Variants in SNX6 observed in about 807,000 individuals in gnomAD.
SNX6 encodes the protein sorting nexin 6.
Under a neutral mutation model 63.0 loss-of-function variants are expected in SNX6, and 34 were observed. That is an observed-to-expected ratio of 0.54 (90% CI 0.41 to 0.72). SNX6 has a LOEUF of 0.72. SNX6 is among the 30% of genes least tolerant of loss of function. SNX6 has a pLI of 0.00. For synonymous variants in SNX6, 170 were observed against 164.2 expected (o/e 1.04, Z -0.27); for missense variants, 398 against 471.4 (o/e 0.84, Z 1.44).
At chr14:34,593,536 C>A (rs1320614356) in intron 7 of SNX6, among the ~76,000 whole-genome samples, 3 of 148,882 alleles carry the variant, frequency 2.0e-5, no homozygotes, top group Non-Finnish European at 1.5e-5. Flanking sequence ...ATAGCTGGGA[C>A]TACAGGTGCA....
intron 13 of SNX6, among the ~76,000 whole-genome samples, chr14:34,563,741 T>TTC (rs1173983700): frequency 3.3e-5 from 5 of 152,112 alleles, no homozygotes; most frequent in Non-Finnish European, 7.4e-5. Context: ...TAAATTTTTT[T>TTC]TCTTTTTTTT....
intron 6 of SNX6, among the ~76,000 whole-genome samples, chr14:34,599,493 G>C (rs1332773025): frequency 6.6e-6 from 1 of 151,828 alleles, no homozygotes; most frequent in Non-Finnish European, 1.5e-5. Flanking sequence ...TATAATCCCA[G>C]CTACTAGGGA....
chr14:34,587,633 CAA>C (rs1160863550), intron 8 of SNX6, among the ~76,000 whole-genome samples: 1 of 139,444 alleles, frequency 7.2e-6, no homozygotes, highest in Admixed American at 7.3e-5. Flanking sequence ...AACAAACAAA[CAA>C]AATTTATTTA....
intron 2 of SNX6, among the ~76,000 whole-genome samples, chr14:34,621,983 A>T (rs1883638777): frequency 1.1e-5 from 1 of 89,806 alleles, no homozygotes. Context: ...TTTGAGATGG[A>T]GTTTCACTCT....
At chr14:34,592,996 A>G in intron 8 of SNX6, 49 bp downstream of exon 8, 2 of 1,254,682 alleles carry the variant, frequency 1.6e-6, no homozygotes, top group Middle Eastern at 4.0e-4. Flanking sequence ...TATGAACTTT[A>G]TAATTATTCC....
intron 2 of SNX6, among the ~76,000 whole-genome samples, chr14:34,614,900 A>T (rs751626129): frequency 2.6e-5 from 4 of 151,622 alleles, no homozygotes; most frequent in Admixed American, 6.6e-5. Context: ...TATTTCAAAA[A>T]TTTTTCTTCC....
At position 34,625,667 on chromosome 14, in the gene SNX6, G is replaced by A. The variant is rs193281809; in HGVS notation, c.54+4240C>T. On this transcript the variant is annotated intron_variant, in intron 2 of 13. Transcript: ENST00000362031. ...GGAGAATCACCTTAACCCGGGAGGT[G>A]GAGGTTGCAGTGAGCCAAGATTGCC... Among the ~76,000 whole-genome samples, 714 of 152,172 alleles carry A rather than the reference G, an allele frequency of 4.7e-3. 1 individual carries two copies. The highest frequency in any genetic ancestry group is 7.4e-3 in the Non-Finnish European group (503 of 68,018).
intron 2 of SNX6, among the ~76,000 whole-genome samples, chr14:34,625,358 A>G (rs1442188954): frequency 1.3e-5 from 2 of 152,204 alleles, no homozygotes; most frequent in Non-Finnish European, 2.9e-5. Context: ...TATTCCTAAA[A>G]TGAGGAAATA....
At chr14:34,623,229 G>C (rs1156277059) in intron 2 of SNX6, among the ~76,000 whole-genome samples, 1 of 151,354 alleles carries the variant, frequency 6.6e-6, no homozygotes, top group Non-Finnish European at 1.5e-5. Context: ...GCAAGCATCT[G>C]GGCCAAATTC....
At chr14:34,573,936 C>T (rs1226665220) in intron 11 of SNX6, among the ~76,000 whole-genome samples, 2 of 152,020 alleles carry the variant, frequency 1.3e-5, no homozygotes, top group East Asian at 1.9e-4. Context: ...CCACTGCGCC[C>T]AGGAGCACAT....
rs902684206 is a variant in SNX6 at position 34,571,588 on chromosome 14, G to C, written c.922-3575C>G. 3.9e-5 allele frequency among the ~76,000 whole-genome samples: 6 copies of C among 152,178 alleles called. No individual in the cohort carries two copies. The South Asian group carries it at 6.2e-4, about 16-fold the overall frequency. ...AACTATGGAGACAGTAAAAAGATCA[G>C]TGGCTGCCAGGGATTGGGAGAAAGG... On this transcript the variant is annotated intron_variant, in intron 11 of 13. Coordinates refer to ENST00000362031, the MANE Select transcript of SNX6 (RefSeq NM_152233.4).
chr14:34,598,445 G>A (rs1466388326), intron 6 of SNX6, among the ~76,000 whole-genome samples: 2 of 152,166 alleles, frequency 1.3e-5, no homozygotes, highest in Admixed American at 6.6e-5. Context: ...AGGCTGAAGT[G>A]CAGTGGCGTG....
intron 2 of SNX6, among the ~76,000 whole-genome samples, chr14:34,615,760 G>A (rs973397065): frequency 3.3e-5 from 5 of 151,904 alleles, no homozygotes; most frequent in African/African-American, 7.3e-5. Context: ...GATTACAGGC[G>A]TGAGCCTGTA....
intron 2 of SNX6, among the ~76,000 whole-genome samples, chr14:34,611,297 C>G (rs899752846): frequency 6.6e-5 from 10 of 151,658 alleles, no homozygotes; most frequent in Non-Finnish European, 1.3e-4. Context: ...GCCAACACGG[C>G]AAAACCCCAT....
At chr14:34,570,871 C>T (rs1391919238) in intron 11 of SNX6, among the ~76,000 whole-genome samples, 1 of 151,242 alleles carries the variant, frequency 6.6e-6, no homozygotes, top group Non-Finnish European at 1.5e-5. Flanking sequence ...CTACAGGCGC[C>T]CACCACCACG....
chr14:34,604,240 T>C (rs1406305102), intron 5 of SNX6: 5 of 1,288,164 alleles, frequency 3.9e-6, no homozygotes, highest in Non-Finnish European at 5.1e-6. Flanking sequence ...AGCAGTAGAA[T>C]AAACCCAAGG....
In SNX6 at chr14:34,562,956, G is replaced by A. The variant is rs145556290; in HGVS notation, c.*166C>T. On this transcript the variant is annotated 3_prime_UTR_variant, in exon 14 of 14. Transcript: ENST00000362031. Reference sequence around the variant, plus strand: ...GCATCACGGCACACAGACTGGCATCGCCTGGGCGTGCGCTGCTCCATGTTT... The same window carrying A: ...GCATCACGGCACACAGACTGGCATCACCTGGGCGTGCGCTGCTCCATGTTT... The A allele has an allele frequency of 2.1e-5, 14 of 656,246 alleles. No individual in the cohort carries two copies. Among genetic ancestry groups the A allele is most frequent in the South Asian group, 1.6e-4 (8 of 50,598 alleles). 40.7% of individuals were successfully genotyped at this position (656,246 alleles called of 1,614,324 possible).
chr14:34,578,798 G>C (rs1211571762), intron 10 of SNX6, among the ~76,000 whole-genome samples: 1 of 150,962 alleles, frequency 6.6e-6, no homozygotes, highest in Non-Finnish European at 1.5e-5. Flanking sequence ...AATTAGCTGG[G>C]CATGGAGGCG....
chr14:34,601,351 G>A (rs757654758), intron 6 of SNX6, among the ~76,000 whole-genome samples: 1 of 151,016 alleles, frequency 6.6e-6, no homozygotes, highest in Non-Finnish European at 1.5e-5. Context: ...TCAGTCTCCC[G>A]AGTAGCTGGG....
Sources: allele counts gnomAD v4.1 joint callset (sites outside exome capture counted in the v4.1 genomes callset), GRCh38; gene constraint gnomAD v4.1.1; transcripts MANE v1.5; gene names NCBI Gene and HGNC (gene_info 2026-07-23, HGNC 2026-07-21).